The following TNKS2 variants were observed in gnomAD, a reference collection of about 807,000 sequenced individuals.
The protein encoded by TNKS2 is tankyrase 2.
TNKS2 carries 72 observed loss-of-function variants against 137.6 expected under a neutral mutation model. The ratio of observed to expected loss-of-function variants is 0.52; its 90% CI spans 0.43 to 0.64. The LOEUF (loss-of-function observed/expected upper bound fraction) is 0.64. Ranked by LOEUF, TNKS2 falls within the 30% of genes least tolerant of loss-of-function variation. The pLI, the probability that TNKS2 is intolerant of heterozygous loss-of-function variation, is 0.00. For synonymous variants in TNKS2, 516 were observed against 512.1 expected (o/e 1.01, Z -0.10); for missense variants, 1,049 against 1,410.2 (o/e 0.74, Z 4.10).
chr10:91,849,574 G>A lies in TNKS2; in HGVS notation c.2674G>A (p.Asp892Asn), dbSNP rs1434972395. 18 of 1,611,156 alleles carry A rather than the reference G, an allele frequency of 1.1e-5. No homozygotes were observed. Among genetic ancestry groups the A allele is most frequent in the Non-Finnish European group, 1.4e-5 (17 of 1,178,872 alleles). The change falls in exon 20 of 27, where the codon GAT becomes AAT. Residue 892 changes from aspartate (D) to asparagine (N), a missense_variant. Around this residue, in one of 6 missense-constraint regions of TNKS2, gnomAD observed 208 missense variants for 231.2 expected, o/e 0.90. Transcript: ENST00000371627. ...VRNLGLEHLM[D>N]IFEREQITLD... ...GAATCTTGGACTTGAGCACCTAATG[G>A]ATATATTTGAGAGAGAACAGGTGAG...
chr10:91,848,760 C>A (rs1419477965), intron 19 of TNKS2, 125 bp downstream of exon 19: 4 of 1,130,282 alleles, frequency 3.5e-6, no homozygotes, highest in Non-Finnish European at 5.0e-6. Context: ...TTAACATAGC[C>A]TTAAAAAGGT....
chr10:91,839,064 A>C (rs1842125341), intron 13 of TNKS2, among the ~76,000 whole-genome samples: 1 of 152,074 alleles, frequency 6.6e-6, no homozygotes, highest in African/African-American at 2.4e-5. Flanking sequence ...AGACGGTTTC[A>C]CCATGTTGGC....
rs1465982447 is a variant in TNKS2 at position 91,851,297 on chromosome 10, CTAAT to C, written c.2780_2783del (p.Ile927LysfsTer17). On this transcript the variant is annotated frameshift_variant, in exon 21 of 27. Transcript: ENST00000371627. LOFTEE classifies it high-confidence loss of function. ...CAATGCTTATGGACATAGGCACAAA[CTAAT>C]TAAAGGAGTCGAGAGACTTATCTCC... 6.2e-7 allele frequency: 1 copy of C among 1,608,522 alleles called. No homozygotes were observed. The highest frequency in any genetic ancestry group is 8.5e-7 in the Non-Finnish European group (1 of 1,178,818).
intron 2 of TNKS2, among the ~76,000 whole-genome samples, chr10:91,816,553 G>T (rs912076604): frequency 6.6e-6 from 1 of 152,108 alleles, no homozygotes; most frequent in African/African-American, 2.4e-5. Flanking sequence ...ATACAAGCAG[G>T]CTCCTGTTAA....
Position 91,820,033 on chromosome 10 carries a change from G to A in TNKS2, c.728G>A (p.Gly243Asp). Residue 243 changes from glycine (G) to aspartate (D), a missense_variant and splice_region_variant, in exon 6 of 27, where the codon GGT becomes GAT. Around this residue, in one of 6 missense-constraint regions of TNKS2, gnomAD observed 374 missense variants for 460.8 expected, o/e 0.81. Transcript: ENST00000371627. ...GCTGATGTCCATGCTAAAGATAAAG[G>A]GTAAGCATTTGAACAAAAACAAGGA... The part of the protein sequence containing the change: ...HGADVHAKDK[G>D]DLVPLHNACS... The A allele has an allele frequency of 1.9e-6, 3 of 1,552,304 alleles. No individual in the cohort carries two copies. The highest frequency in any genetic ancestry group is 2.6e-6 in the Non-Finnish European group (3 of 1,150,674).
chr10:91,859,659 A>G lies in TNKS2; in HGVS notation c.3281+11A>G. On this transcript the variant is annotated intron_variant, in intron 25 of 26. Coordinates refer to ENST00000371627, the MANE Select transcript of TNKS2 (RefSeq NM_025235.4). ...TTACATTTGCCACAGGTAAGAGATCACTTGTTCTCATTTATTTTGGTGGTA... is the reference window on the plus strand; with the variant it reads ...TTACATTTGCCACAGGTAAGAGATCGCTTGTTCTCATTTATTTTGGTGGTA... The G allele has an allele frequency of 6.2e-7, 1 of 1,602,170 alleles. No individual in the cohort carries two copies. Among genetic ancestry groups the G allele is most frequent in the Non-Finnish European group, 8.5e-7 (1 of 1,174,500 alleles).
intron 8 of TNKS2, among the ~76,000 whole-genome samples, chr10:91,828,017 G>A (rs113590818): frequency 3.1e-4 from 47 of 152,122 alleles, no homozygotes; most frequent in Admixed American, 5.9e-4. Context: ...AATGAATTAC[G>A]AATTAAAACA....
chr10:91,849,733 A>C (rs1389592973), intron 20 of TNKS2, 139 bp downstream of exon 20: 1 of 646,788 alleles, frequency 1.5e-6, no homozygotes, highest in Non-Finnish European at 2.5e-6. Flanking sequence ...TCAGCCTTCT[A>C]ATTTGGCTTG....
intron 1 of TNKS2, among the ~76,000 whole-genome samples, chr10:91,801,672 A>G (rs1238710430): frequency 6.6e-6 from 1 of 150,880 alleles, no homozygotes; most frequent in African/African-American, 2.4e-5. Context: ...CAGGGTTTCA[A>G]CATGTTGGTC....
At chr10:91,838,554 A>G (rs1008713845) in intron 13 of TNKS2, among the ~76,000 whole-genome samples, 1 of 152,326 alleles carries the variant, frequency 6.6e-6, no homozygotes, top group South Asian at 2.1e-4. Context: ...CTGACAGGTA[A>G]AGAGTAGAAT....
chr10:91,823,111 G>T (rs1844954147), intron 7 of TNKS2, among the ~76,000 whole-genome samples: 1 of 151,782 alleles, frequency 6.6e-6, no homozygotes, highest in African/African-American at 2.4e-5. Flanking sequence ...ATAGCTAAAG[G>T]TGAAGTTTCA....
chr10:91,832,623 G>A (rs1303661931), intron 11 of TNKS2, among the ~76,000 whole-genome samples: 1 of 152,020 alleles, frequency 6.6e-6, no homozygotes, highest in African/African-American at 2.4e-5. Context: ...GGTTCATTGA[G>A]GTCTTGATTA....
intron 6 of TNKS2, among the ~76,000 whole-genome samples, chr10:91,821,290 C>T (rs1844883061): frequency 6.6e-6 from 1 of 151,958 alleles, no homozygotes; most frequent in Non-Finnish European, 1.5e-5. Context: ...GCTCGGCCTC[C>T]CAAAGTGCTC....
chr10:91,829,196 G>A (rs1845159139), intron 9 of TNKS2, among the ~76,000 whole-genome samples: 2 of 151,844 alleles, frequency 1.3e-5, no homozygotes, highest in African/African-American at 2.4e-5. Context: ...TTTGCCTTAT[G>A]CCATAATGTA....
intron 2 of TNKS2, among the ~76,000 whole-genome samples, chr10:91,814,458 AAACTT>A (rs1440790354): frequency 6.6e-6 from 1 of 152,240 alleles, no homozygotes; most frequent in Non-Finnish European, 1.5e-5. Context: ...TTTTAAAAAT[AAACTT>A]ACATAGCTAA....
At position 91,848,642 on chromosome 10, in the gene TNKS2, C is replaced by T. The variant is rs767771746; in HGVS notation, c.2611+7C>T. 1.2e-5 allele frequency: 19 copies of T among 1,612,916 alleles called. No individual in the cohort carries two copies. Among genetic ancestry groups the T allele is most frequent in the Middle Eastern group, 1.6e-4 (1 of 6,068 alleles). On this transcript the variant is annotated splice_region_variant and intron_variant, in intron 19 of 26. Coordinates refer to ENST00000371627, the MANE Select transcript of TNKS2 (RefSeq NM_025235.4). Reference sequence around the variant, plus strand: ...AGTTTGGAGAAAAAGGAGGGTGAGACGTTCTACAAAAATAACTTTCTAACT... The same window carrying T: ...AGTTTGGAGAAAAAGGAGGGTGAGATGTTCTACAAAAATAACTTTCTAACT...
intron 9 of TNKS2, 90 bp from the exon 10 acceptor site, chr10:91,830,833 A>G (rs1845222489): frequency 1.8e-6 from 2 of 1,090,926 alleles, no homozygotes; most frequent in Non-Finnish European, 1.3e-6. Flanking sequence ...AGATTAAATA[A>G]CTACTTGATT....
chr10:91,865,238 A>G lies in TNKS2; in HGVS notation c.*2239A>G. 6.6e-6 allele frequency: 1 copy of G among 152,454 alleles called. No homozygotes were observed. Among genetic ancestry groups the G allele is most frequent in the East Asian group, 1.9e-4 (1 of 5,194 alleles). 9.4% of individuals were successfully genotyped at this position (152,454 alleles called of 1,614,324 possible). On this transcript the variant is annotated 3_prime_UTR_variant, in exon 27 of 27. Coordinates refer to ENST00000371627, the MANE Select transcript of TNKS2 (RefSeq NM_025235.4). The stretch of plus-strand genomic sequence containing the variant: ...TCTTACTTGTACTGTATCACATTCC[A>G]TACCCTCATTTAATTCTTAATAAAA...
chr10:91,862,900 T>C lies in TNKS2; in HGVS notation c.3439-37T>C. On this transcript the variant is annotated intron_variant, in intron 26 of 26. Coordinates refer to ENST00000371627, the MANE Select transcript of TNKS2 (RefSeq NM_025235.4). Reference sequence around the variant, plus strand: ...AAGTCTGTTTATCTTTCAAGAAAATTTTTGTACCATTATTTGAATTTATCT... The same window carrying C: ...AAGTCTGTTTATCTTTCAAGAAAATCTTTGTACCATTATTTGAATTTATCT... 2.7e-6 allele frequency: 4 copies of C among 1,493,720 alleles called. No homozygotes were observed. In the South Asian group the frequency reaches 4.8e-5, roughly 18 times the overall value. 92.5% of individuals were successfully genotyped at this position (1,493,720 alleles called of 1,614,324 possible).
Sources: allele counts gnomAD v4.1 joint callset (sites outside exome capture counted in the v4.1 genomes callset), GRCh38; gene constraint gnomAD v4.1.1; regional missense constraint gnomAD v4.1.1; transcripts MANE v1.5; gene names NCBI Gene and HGNC (gene_info 2026-07-23, HGNC 2026-07-21).